The following CNTNAP5 variants were observed in gnomAD, a reference collection of about 807,000 sequenced individuals.
CNTNAP5 encodes contactin associated protein family member 5.
Under a neutral mutation model 150.2 loss-of-function variants are expected in CNTNAP5, and 72 were observed. The observed-to-expected ratio is 0.48, with a 90% CI of 0.40 to 0.58. The LOEUF (loss-of-function observed/expected upper bound fraction) is 0.58, where lower values mean the gene tolerates loss of function less well. Ranked by LOEUF, CNTNAP5 falls within the 20% of genes least tolerant of loss-of-function variation. The pLI, the probability that CNTNAP5 is intolerant of heterozygous loss-of-function variation, is 0.00. For synonymous variants in CNTNAP5, 672 were observed against 619.8 expected (o/e 1.08, Z -1.25); for missense variants, 1,636 against 1,626.2 (o/e 1.01, Z -0.10).
chr2:124,309,591 A>G (rs1480071069), intron 3 of CNTNAP5, among the ~76,000 whole-genome samples: 1 of 152,210 alleles, frequency 6.6e-6, no homozygotes, highest in Non-Finnish European at 1.5e-5. Flanking sequence ...ACAAACAGCA[A>G]TGGGGTCCAA....
chr2:124,181,635 C>T (rs1382782008), intron 1 of CNTNAP5, among the ~76,000 whole-genome samples: 1 of 152,132 alleles, frequency 6.6e-6, no homozygotes, highest in African/African-American at 2.4e-5. Flanking sequence ...TTACTTCCAG[C>T]CCTGGCTCTG....
intron 3 of CNTNAP5, among the ~76,000 whole-genome samples, chr2:124,344,960 G>A (rs1204181961): frequency 6.6e-6 from 1 of 152,136 alleles, no homozygotes; most frequent in Non-Finnish European, 1.5e-5. Flanking sequence ...CTTGGAAGTG[G>A]GGAGAAGCAG....
At chr2:124,752,008 A>G (rs1039200372) in intron 14 of CNTNAP5, among the ~76,000 whole-genome samples, 6 of 152,142 alleles carry the variant, frequency 3.9e-5, no homozygotes. Flanking sequence ...TAGGCATTTT[A>G]GCTGAATCTA....
chr2:124,044,539 G>A (rs1163560979), intron 1 of CNTNAP5, among the ~76,000 whole-genome samples: 1 of 152,150 alleles, frequency 6.6e-6, no homozygotes, highest in East Asian at 1.9e-4. Flanking sequence ...GGTAAAGAAA[G>A]ACATTCAATT....
At chr2:124,455,171 G>A (rs917415333) in intron 6 of CNTNAP5, among the ~76,000 whole-genome samples, 5 of 151,252 alleles carry the variant, frequency 3.3e-5, no homozygotes, top group Admixed American at 6.6e-5. Flanking sequence ...CCAAAAAAAA[G>A]AAGAGAAAAA....
intron 7 of CNTNAP5, among the ~76,000 whole-genome samples, chr2:124,501,905 A>T (rs1309239859): frequency 6.6e-6 from 1 of 152,158 alleles, no homozygotes; most frequent in Non-Finnish European, 1.5e-5. Flanking sequence ...GCCCTTAGAG[A>T]ATACAGTAGA....
Position 124,214,386 on chromosome 2 carries a change from G to A in CNTNAP5, c.83-7319G>A, listed in dbSNP as rs540015144. ...CTAACCCCCTCTTCTGGGTGTTCCC[G>A]CAGTCTGCTCTGGCCCCATCACCAG... On this transcript the variant is annotated intron_variant, in intron 1 of 23. Coordinates refer to ENST00000682447, the MANE Select transcript of CNTNAP5 (RefSeq NM_001367498.1). Among the ~76,000 whole-genome samples the A allele has an allele frequency of 5.9e-5, 9 of 152,250 alleles. No individual in the cohort carries two copies. In the South Asian group the frequency reaches 1.7e-3, roughly 28 times the overall value.
At chr2:124,348,286 T>C (rs905727087) in intron 3 of CNTNAP5, among the ~76,000 whole-genome samples, 3 of 152,188 alleles carry the variant, frequency 2.0e-5, no homozygotes, top group Non-Finnish European at 2.9e-5. Flanking sequence ...GATTTTTACT[T>C]ATTCCTTTTA....
intron 7 of CNTNAP5, among the ~76,000 whole-genome samples, chr2:124,478,488 A>AG (rs1341488066): frequency 6.6e-6 from 1 of 152,158 alleles, no homozygotes; most frequent in Non-Finnish European, 1.5e-5. Context: ...CACCCTGCTT[A>AG]AGTGAGAATT....
At chr2:124,761,155 T>C (rs1487495631) in intron 14 of CNTNAP5, among the ~76,000 whole-genome samples, 2 of 152,138 alleles carry the variant, frequency 1.3e-5, no homozygotes, top group Admixed American at 6.6e-5. Flanking sequence ...TGCCTATCAA[T>C]AGGTACCACC....
intron 3 of CNTNAP5, among the ~76,000 whole-genome samples, chr2:124,294,397 C>T (rs1303709936): frequency 6.6e-6 from 1 of 151,420 alleles, no homozygotes; most frequent in African/African-American, 2.4e-5. Context: ...TCAATGTAAA[C>T]ATATTCTGAA....
chr2:124,490,051 T>G (rs2104848510), intron 7 of CNTNAP5, among the ~76,000 whole-genome samples: 1 of 152,232 alleles, frequency 6.6e-6, no homozygotes, highest in South Asian at 2.1e-4. Context: ...GTGCAGTGGC[T>G]TAATTATTAT....
chr2:124,614,202 A>G (rs1281314519), intron 12 of CNTNAP5, among the ~76,000 whole-genome samples: 3 of 152,144 alleles, frequency 2.0e-5, no homozygotes, highest in Non-Finnish European at 2.9e-5. Context: ...AACAAACTAC[A>G]TAACACTGGT....
chr2:124,853,901 A>T (rs1462647480), intron 19 of CNTNAP5, among the ~76,000 whole-genome samples: 2 of 152,186 alleles, frequency 1.3e-5, no homozygotes, highest in African/African-American at 4.8e-5. Flanking sequence ...AAGTGAGAAC[A>T]TGAGGTATTT....
chr2:124,418,489 T>C (rs1029578336), intron 4 of CNTNAP5, among the ~76,000 whole-genome samples: 2 of 152,184 alleles, frequency 1.3e-5, no homozygotes, highest in Admixed American at 1.3e-4. Flanking sequence ...ATCCCATACA[T>C]ACTGGATTAT....
rs545618300 is a variant in CNTNAP5 at position 124,073,487 on chromosome 2, A to C, written c.82+47755A>C. On this transcript the variant is annotated intron_variant, in intron 1 of 23. Transcript: ENST00000682447. ...CTGACAAGGGATTAATAACCAGTAC[A>C]TATAAGGAGCTCAAACAATCCCATA... Among the ~76,000 whole-genome samples the C allele has an allele frequency of 1.6e-4, 24 of 152,242 alleles. 1 individual carries two copies. Among genetic ancestry groups the C allele is most frequent in the Admixed American group, 1.3e-3 (20 of 15,274 alleles).
chr2:124,378,192 A>G (rs1011749348), intron 3 of CNTNAP5, among the ~76,000 whole-genome samples: 24 of 152,150 alleles, frequency 1.6e-4, no homozygotes, highest in African/African-American at 5.8e-4. Flanking sequence ...TAAATTAAGT[A>G]CTTCATGAGG....
intron 13 of CNTNAP5, among the ~76,000 whole-genome samples, chr2:124,699,933 C>T (rs542448214): frequency 4.0e-4 from 61 of 152,258 alleles, no homozygotes; most frequent in African/African-American, 1.4e-3. Flanking sequence ...GGTTGTACAA[C>T]TATCACCACT....
intron 1 of CNTNAP5, among the ~76,000 whole-genome samples, chr2:124,178,762 C>T (rs1247933671): frequency 1.3e-5 from 2 of 151,890 alleles, no homozygotes; most frequent in African/African-American, 4.8e-5. Context: ...TCTAAGTTCA[C>T]CTTTTAAGAT....
Sources: gnomAD v4.1 joint callset for allele counts (sites outside exome capture counted in the v4.1 genomes callset) on GRCh38, gnomAD v4.1.1 for gene constraint, MANE v1.5 for transcripts, NCBI Gene and HGNC (gene_info 2026-07-23, HGNC 2026-07-21) for gene names.